The following STXBP4 variants were observed in gnomAD, a reference collection of about 807,000 sequenced individuals.
STXBP4 encodes syntaxin binding protein 4.
In STXBP4, 55 loss-of-function variants were observed where a neutral mutation model predicts 76.1. The observed-to-expected ratio is 0.72, with a 90% CI of 0.58 to 0.91. The LOEUF (loss-of-function observed/expected upper bound fraction) is 0.91, where lower values mean the gene tolerates loss of function less well. Ranked by LOEUF, STXBP4 falls within the 40% of genes least tolerant of loss-of-function variation. STXBP4 has a pLI of 0.00. For synonymous variants in STXBP4, 201 were observed against 220.2 expected (o/e 0.91, Z 0.77); for missense variants, 618 against 636.9 (o/e 0.97, Z 0.32).
intron 10 of STXBP4, among the ~76,000 whole-genome samples, chr17:55,041,363 T>C (rs558818287): frequency 1.1e-3 from 160 of 150,894 alleles, no homozygotes; most frequent in Non-Finnish European, 2.0e-3. Context: ...ACTACAGGAG[T>C]ACCCCGCCAT....
In STXBP4 at chr17:55,159,980, T is replaced by C. The variant is rs1782270662; in HGVS notation, c.*69T>C. 1.0e-6 allele frequency: 1 copy of C among 961,036 alleles called. No individual in the cohort carries two copies. Among genetic ancestry groups the C allele is most frequent in the East Asian group, 2.5e-5 (1 of 40,032 alleles). The allele number at this position is 961,036 out of a possible 1,614,324, so 59.5% of individuals were successfully genotyped here. Reference sequence around the variant, plus strand: ...AGACGCATAACATCCAATTCTGAGATGAAACAGTCTAAAATAGGAGTAAAG... The same window carrying C: ...AGACGCATAACATCCAATTCTGAGACGAAACAGTCTAAAATAGGAGTAAAG... On this transcript the variant is annotated 3_prime_UTR_variant, in exon 18 of 18. Transcript: ENST00000376352.
intron 16 of STXBP4, among the ~76,000 whole-genome samples, chr17:55,137,273 TTCCC>T (rs1200591951): frequency 5.5e-5 from 8 of 145,586 alleles, no homozygotes; most frequent in South Asian, 2.3e-4. Flanking sequence ...CACCTCCATG[TTCCC>T]TCCCTCCCTC....
intron 16 of STXBP4, among the ~76,000 whole-genome samples, chr17:55,107,588 T>C (rs244373): frequency 0.69 from 104,348 of 152,114 alleles, 35,911 homozygotes; most frequent in South Asian, 0.8. Flanking sequence ...TGGTGACCTT[T>C]GGTTGGGGTT....
At chr17:55,129,812 A>T (rs1376352214) in intron 16 of STXBP4, among the ~76,000 whole-genome samples, 1 of 152,182 alleles carries the variant, frequency 6.6e-6, no homozygotes, top group Non-Finnish European at 1.5e-5. Flanking sequence ...TTCCTGGTGT[A>T]CACACACCTT....
At chr17:55,030,810 T>C (rs1340459187) in intron 8 of STXBP4, 1 of 172,148 alleles carries the variant, frequency 5.8e-6, no homozygotes, top group Non-Finnish European at 1.2e-5. Flanking sequence ...GTTAACCAAA[T>C]ATAATTCATG....
chr17:55,033,573 A>G (rs1430642967), intron 9 of STXBP4, among the ~76,000 whole-genome samples: 1 of 152,172 alleles, frequency 6.6e-6, no homozygotes, highest in Non-Finnish European at 1.5e-5. Flanking sequence ...TTGAGGATAC[A>G]TAGATGAGTA....
chr17:55,030,413 T>C (rs568279483), intron 8 of STXBP4, among the ~76,000 whole-genome samples: 47 of 152,314 alleles, frequency 3.1e-4, no homozygotes, highest in Non-Finnish European at 6.0e-4. Flanking sequence ...AATAGTACTC[T>C]ATGGCACTTC....
intron 10 of STXBP4, among the ~76,000 whole-genome samples, chr17:55,039,979 A>G (rs1265115671): frequency 6.6e-6 from 1 of 152,160 alleles, no homozygotes; most frequent in Non-Finnish European, 1.5e-5. Context: ...GAGGCATAAT[A>G]GTGAATGTGC....
intron 16 of STXBP4, among the ~76,000 whole-genome samples, chr17:55,106,202 A>G (rs1023791730): frequency 6.6e-6 from 1 of 151,750 alleles, no homozygotes; most frequent in Non-Finnish European, 1.5e-5. Context: ...TCCCTTTACC[A>G]TTATATAATG....
At chr17:54,973,990 T>C (rs1315768545) in intron 1 of STXBP4, among the ~76,000 whole-genome samples, 2 of 152,244 alleles carry the variant, frequency 1.3e-5, no homozygotes, top group African/African-American at 2.4e-5. Context: ...CACATAATGT[T>C]TTCTTATCTG....
At chr17:55,078,810 A>C in intron 15 of STXBP4, 75 bp downstream of exon 15, 1 of 856,050 alleles carries the variant, frequency 1.2e-6, no homozygotes, top group Non-Finnish European at 2.0e-6. Context: ...TGACTCAAAT[A>C]CTAAAAATCT....
At chr17:55,018,468 T>G (rs1395421336) in intron 8 of STXBP4, among the ~76,000 whole-genome samples, 4 of 151,996 alleles carry the variant, frequency 2.6e-5, no homozygotes, top group Admixed American at 1.3e-4. Context: ...AGAGCTCCCA[T>G]AGAAAGGGAG....
At chr17:55,073,109 T>C in intron 13 of STXBP4, 33 bp downstream of exon 13, 2 of 1,602,710 alleles carry the variant, frequency 1.2e-6, no homozygotes, top group East Asian at 2.2e-5. Flanking sequence ...CCAGTTACCA[T>C]GGTTTCCTTG....
chr17:55,051,439 TTTTTGTTTTG>T (rs879701841), intron 12 of STXBP4, among the ~76,000 whole-genome samples: 16 of 152,134 alleles, frequency 1.1e-4, no homozygotes, highest in Non-Finnish European at 1.6e-4. Flanking sequence ...CCTAAACCTT[TTTTTGTTTTG>T]TTTTGTTTTG....
the STXBP4 span, among the ~76,000 whole-genome samples, chr17:55,194,004 T>G: frequency 0.16 from 24,399 of 152,002 alleles, 2,355 homozygotes; most frequent in Non-Finnish European, 0.22. Context: ...AAGAAGGCTT[T>G]CTGCAATTGG....
At chr17:54,979,525 CCTCA>C (rs1451128693) in intron 1 of STXBP4, among the ~76,000 whole-genome samples, 1 of 152,014 alleles carries the variant, frequency 6.6e-6, no homozygotes, top group Non-Finnish European at 1.5e-5. Context: ...TCTTTTATTC[CCTCA>C]CTAACAATAT....
chr17:55,182,109 T>C, the STXBP4 span, among the ~76,000 whole-genome samples: 1 of 152,120 alleles, frequency 6.6e-6, no homozygotes, highest in Non-Finnish European at 1.5e-5. Flanking sequence ...CATACTACCA[T>C]ATCCAGCAGG....
At chr17:55,133,413 G>A (rs2787482) in intron 16 of STXBP4, among the ~76,000 whole-genome samples, 96,978 of 151,928 alleles carry the variant, frequency 0.64, 31,822 homozygotes, top group African/African-American at 0.79. Flanking sequence ...GGAAGAGAGG[G>A]CATGCACCTG....
chr17:55,050,968 G>A (rs2078851453), intron 12 of STXBP4, among the ~76,000 whole-genome samples: 1 of 152,164 alleles, frequency 6.6e-6, no homozygotes, highest in South Asian at 2.1e-4. Context: ...CACCGGGCCT[G>A]AAATGGTATT....
Sources: allele counts gnomAD v4.1 joint callset (sites outside exome capture counted in the v4.1 genomes callset), GRCh38; gene constraint gnomAD v4.1.1; transcripts MANE v1.5; gene names NCBI Gene and HGNC (gene_info 2026-07-23, HGNC 2026-07-21).